Variants in WNT8B observed in about 807,000 individuals in gnomAD.
The protein encoded by WNT8B is Wnt family member 8B, also known as protein Wnt-8b.
Under a neutral mutation model 36.6 loss-of-function variants are expected in WNT8B, and 24 were observed. That is an observed-to-expected ratio of 0.66 (90% CI 0.48 to 0.92). The LOEUF (loss-of-function observed/expected upper bound fraction) is 0.92, where lower values mean the gene tolerates loss of function less well. Ranked by LOEUF, WNT8B falls within the 40% of genes least tolerant of loss-of-function variation. The pLI, the probability that WNT8B is intolerant of heterozygous loss-of-function variation, is 0.00. For missense variants in WNT8B, 402 were observed against 470.8 expected, an observed-to-expected ratio of 0.85 and a Z score of 1.35; for synonymous variants, 199 against 189.8, an observed-to-expected ratio of 1.05 and a Z score of -0.40.
chr10:100,481,949 T>C lies in WNT8B; in HGVS notation c.405T>C (p.Asn135=), dbSNP rs768928330. The change falls in exon 5 of 6, where the codon AAT becomes AAC. Residue 135 remains asparagine, a synonymous_variant. Coordinates refer to ENST00000343737, the MANE Select transcript of WNT8B (RefSeq NM_003393.4). ...GGCTGTGGGGAGGCTGCAGTGACAA[T>C]GTGGGCTTCGGAGAGGCGATTTCCA... is the stretch of plus-strand genomic sequence containing the variant. The part of the protein sequence containing the change: ...QGWLWGGCSD[N]VGFGEAISKQ... 1.7e-5 allele frequency: 27 copies of C among 1,613,820 alleles called. No homozygotes were observed. Among genetic ancestry groups the C allele is most frequent in the South Asian group, 4.4e-5 (4 of 91,054 alleles).
intron 1 of WNT8B, among the ~76,000 whole-genome samples, chr10:100,473,308 C>T (rs906145144): frequency 1.3e-5 from 2 of 152,110 alleles, no homozygotes; most frequent in Non-Finnish European, 2.9e-5. Context: ...ATAAAAGGCA[C>T]CCTTTAACAA....
Position 100,479,928 on chromosome 10 carries a change from G to T in WNT8B, c.157G>T (p.Glu53Ter). 1 of 1,614,030 alleles carries T rather than the reference G, an allele frequency of 6.2e-7. No homozygotes were observed. Among genetic ancestry groups the T allele is most frequent in the Non-Finnish European group, 8.5e-7 (1 of 1,179,934 alleles). Reference sequence around the variant, plus strand: ...AGCTGGTGCCCAGAGTGGTATTGAAGAATGCAAGTATCAGTTTGCCTGGGA... The same window carrying T: ...AGCTGGTGCCCAGAGTGGTATTGAATAATGCAAGTATCAGTTTGCCTGGGA... ...VAAGAQSGIE[E>*]CKYQFAWDRW... The change falls in exon 3 of 6, where the codon GAA (glutamate) becomes TAA (stop). Residue 53 changes from glutamate to a stop codon, truncating the protein, a stop_gained. Transcript: ENST00000343737. LOFTEE classifies it high-confidence loss of function.
chr10:100,470,780 C>T (rs140766344), intron 1 of WNT8B, among the ~76,000 whole-genome samples: 8,405 of 152,250 alleles, frequency 0.055, 273 homozygotes, highest in Non-Finnish European at 0.07. Flanking sequence ...CTCACTCTGT[C>T]GCCTAGGCTG....
chr10:100,473,949 C>T (rs903269534), intron 1 of WNT8B, among the ~76,000 whole-genome samples: 1 of 151,958 alleles, frequency 6.6e-6, no homozygotes, highest in African/African-American at 2.4e-5. Flanking sequence ...AAAGGTGACT[C>T]TTCATGATTT....
At chr10:100,465,577 T>C (rs1439084951) in intron 1 of WNT8B, among the ~76,000 whole-genome samples, 1 of 152,152 alleles carries the variant, frequency 6.6e-6, no homozygotes, top group African/African-American at 2.4e-5. Context: ...CCCACCTAAC[T>C]CAGTCACCAA....
chr10:100,467,562 T>C (rs1850920269), intron 1 of WNT8B, among the ~76,000 whole-genome samples: 1 of 152,172 alleles, frequency 6.6e-6, no homozygotes, highest in South Asian at 2.1e-4. Flanking sequence ...TCAGTCCTTT[T>C]TCTGTAGTCA....
intron 4 of WNT8B, among the ~76,000 whole-genome samples, chr10:100,481,690 C>T (rs917165947): frequency 6.6e-6 from 1 of 152,200 alleles, no homozygotes; most frequent in Admixed American, 6.5e-5. Flanking sequence ...CAACTACTTA[C>T]GTCGTTGAGC....
rs770056474 is a variant in WNT8B, at chr10:100,463,120, C to G, written c.-49C>G. 7.1e-6 allele frequency: 11 copies of G among 1,549,028 alleles called. No individual in the cohort carries two copies. The highest frequency in any genetic ancestry group is 9.8e-6 in the Non-Finnish European group (11 of 1,122,946). ...GAGAATATTTCTCCGTCTTGCTTAC[C>G]CATCTCCCAGTTTTTTGGAATTTTC... On this transcript the variant is annotated 5_prime_UTR_variant, in exon 1 of 6. Coordinates refer to ENST00000343737, the MANE Select transcript of WNT8B (RefSeq NM_003393.4).
intron 1 of WNT8B, among the ~76,000 whole-genome samples, chr10:100,474,591 G>C (rs959789262): frequency 6.6e-6 from 1 of 151,988 alleles, no homozygotes; most frequent in Non-Finnish European, 1.5e-5. Context: ...TTGAGACAGA[G>C]TCTCGCTCTG....
chr10:100,463,293 TG>T, intron 1 of WNT8B, 57 bp downstream of exon 1: 1 of 1,528,322 alleles, frequency 6.5e-7, no homozygotes, highest in Non-Finnish European at 9.0e-7. Context: ...TGTAATGTGT[TG>T]GGTAAAGCTC....
In WNT8B at chr10:100,479,991, A is replaced by G; in HGVS notation, c.220A>G (p.Ser74Gly). Residue 74 changes from serine to glycine, a missense_variant, in exon 3 of 6, where the codon AGC (serine) becomes GGC (glycine). Ser to Gly is a moderately conservative substitution (Grantham distance 56). Around this residue, in one of 3 missense-constraint regions of WNT8B, gnomAD observed 131 missense variants for 152.6 expected, o/e 0.86. Transcript: ENST00000343737. ...CCCTGAGAGAGCCCTGCAGCTGTCC[A>G]GCCATGGTGGGCTTCGCAGTGGTAA... ...NCPERALQLS[S>G]HGGLRSANRE... The G allele has an allele frequency of 1.2e-6, 2 of 1,613,708 alleles. No homozygotes were observed. Among genetic ancestry groups the G allele is most frequent in the South Asian group, 2.2e-5 (2 of 91,052 alleles).
chr10:100,463,352 A>G (rs1314356572), intron 1 of WNT8B, 116 bp downstream of exon 1: 3 of 1,017,040 alleles, frequency 2.9e-6, no homozygotes, highest in Non-Finnish European at 4.4e-6. Context: ...TCCTAGGAAA[A>G]ACTGTTCTAT....
intron 1 of WNT8B, among the ~76,000 whole-genome samples, chr10:100,467,648 C>T (rs888512050): frequency 6.6e-6 from 1 of 152,176 alleles, no homozygotes; most frequent in African/African-American, 2.4e-5. Context: ...AATAGATTGT[C>T]CACGTTATCC....
In WNT8B at chr10:100,482,898, G is replaced by A; in HGVS notation, c.*82G>A. The A allele has an allele frequency of 7.2e-7, 1 of 1,388,840 alleles. No individual in the cohort carries two copies. Among genetic ancestry groups the A allele is most frequent in the Non-Finnish European group, 9.5e-7 (1 of 1,053,354 alleles). The allele number at this position is 1,388,840 out of a possible 1,614,324, so 86.0% of individuals were successfully genotyped here. Reference sequence around the variant, plus strand: ...GGTAATTGTGGAACCTAGGGAATGGGGAACCCGCTCTCCCAGACCTAGGGA... The same window carrying A: ...GGTAATTGTGGAACCTAGGGAATGGAGAACCCGCTCTCCCAGACCTAGGGA... On this transcript the variant is annotated 3_prime_UTR_variant, in exon 6 of 6. Coordinates refer to ENST00000343737, the MANE Select transcript of WNT8B (RefSeq NM_003393.4). The surrounding 1 kb of genome is among the most constrained non-coding windows in gnomAD (Gnocchi z 6.6).
intron 1 of WNT8B, among the ~76,000 whole-genome samples, chr10:100,475,352 A>AAAAAC (rs879700800): frequency 6.6e-6 from 1 of 152,200 alleles, no homozygotes; most frequent in Non-Finnish European, 1.5e-5. Flanking sequence ...CTCTGTCTCC[A>AAAAAC]AAAACAAAAC....
intron 1 of WNT8B, among the ~76,000 whole-genome samples, chr10:100,474,843 G>A (rs191919246): frequency 2.2e-3 from 336 of 152,138 alleles, no homozygotes; most frequent in Middle Eastern, 6.8e-3. Context: ...GATTACAGGC[G>A]TGAGCCACTG....
intron 1 of WNT8B, among the ~76,000 whole-genome samples, chr10:100,467,337 G>A (rs1291861841): frequency 6.6e-6 from 1 of 152,106 alleles, no homozygotes; most frequent in Non-Finnish European, 1.5e-5. Context: ...AAAATAGGTT[G>A]TTTTCGCAAC....
At chr10:100,477,286 T>C (rs1851049115) in intron 1 of WNT8B, among the ~76,000 whole-genome samples, 1 of 152,002 alleles carries the variant, frequency 6.6e-6, no homozygotes, top group African/African-American at 2.4e-5. Context: ...TTTTATTTTT[T>C]ATTCATTTAT....
At chr10:100,470,978 G>C (rs918796690) in intron 1 of WNT8B, among the ~76,000 whole-genome samples, 1 of 152,032 alleles carries the variant, frequency 6.6e-6, no homozygotes, top group African/African-American at 2.4e-5. Context: ...CCCAACCTCA[G>C]GTGATCTGCC....
Sources: allele counts gnomAD v4.1 joint callset (sites outside exome capture counted in the v4.1 genomes callset), GRCh38; gene constraint gnomAD v4.1.1; regional missense constraint gnomAD v4.1.1; non-coding constraint Gnocchi (gnomAD v3.1); transcripts MANE v1.5; gene names NCBI Gene and HGNC (gene_info 2026-07-23, HGNC 2026-07-21).